Variants in PTPRC observed in about 807,000 individuals in gnomAD.
PTPRC encodes the protein protein tyrosine phosphatase receptor type C.
PTPRC carries 44 observed loss-of-function variants against 155.9 expected under a neutral mutation model. That is an observed-to-expected ratio of 0.28 (90% CI 0.22 to 0.36). The LOEUF is 0.36. Ranked by LOEUF, PTPRC falls within the 10% of genes least tolerant of loss-of-function variation. The probability of loss-of-function intolerance (pLI) is 1.00; values close to 1 mark genes in which losing one functional copy is unlikely to be tolerated. For missense variants in PTPRC, 1,401 were observed against 1,564.6 expected, an observed-to-expected ratio of 0.90 and a Z score of 1.76; for synonymous variants, 525 against 533.1, an observed-to-expected ratio of 0.98 and a Z score of 0.21.
intron 2 of PTPRC, among the ~76,000 whole-genome samples, chr1:198,662,458 G>C (rs1159199037): frequency 8.1e-6 from 1 of 124,216 alleles, no homozygotes; most frequent in Non-Finnish European, 1.7e-5. Context: ...GTGTGTGTGT[G>C]TGTGTGTGTG....
At chr1:198,659,174 G>T (rs1663789151) in intron 2 of PTPRC, among the ~76,000 whole-genome samples, 1 of 152,078 alleles carries the variant, frequency 6.6e-6, no homozygotes, top group Non-Finnish European at 1.5e-5. Flanking sequence ...GGCTAGTGGA[G>T]ACACCTGGTC....
intron 2 of PTPRC, among the ~76,000 whole-genome samples, chr1:198,653,832 C>T (rs56272733): frequency 0.39 from 59,121 of 151,546 alleles, 11,966 homozygotes; most frequent in East Asian, 0.68. Flanking sequence ...GTAGAAAATA[C>T]TACTTTAAGA....
intron 25 of PTPRC, among the ~76,000 whole-genome samples, 160 bp downstream of exon 25, chr1:198,742,527 T>A (rs1654951386): frequency 6.6e-6 from 1 of 151,868 alleles, no homozygotes; most frequent in Non-Finnish European, 1.5e-5. Flanking sequence ...CAGAAATACT[T>A]AGAAGCATTT....
intron 26 of PTPRC, 22 bp from the exon 27 acceptor site, chr1:198,748,087 C>G (rs757092330): frequency 2.5e-5 from 33 of 1,313,900 alleles, no homozygotes; most frequent in Non-Finnish European, 3.2e-5. Flanking sequence ...AGGAGTTTTT[C>G]TGTTTTTTTT....
intron 20 of PTPRC, among the ~76,000 whole-genome samples, chr1:198,733,092 G>A (rs571708025): frequency 1.4e-4 from 21 of 151,730 alleles, no homozygotes; most frequent in Non-Finnish European, 2.1e-4. Context: ...ATGTCCGTAC[G>A]TGGTTAATTT....
chr1:198,693,873 T>C, intron 3 of PTPRC: 1 of 1,052,998 alleles, frequency 9.5e-7, no homozygotes, highest in East Asian at 3.2e-5. Context: ...CTAGAAGTAA[T>C]CTTTAGGAAT....
rs181104185 is a variant in PTPRC, at chr1:198,672,315, G to T, written c.74-20032G>T. ...AGGCCCACACCCTGTGGATGTCAGA[G>T]CAAAAATATGGAAGGAATCTGGGTC... On this transcript the variant is annotated intron_variant, in intron 2 of 32. Transcript: ENST00000442510. Among the ~76,000 whole-genome samples the T allele has an allele frequency of 6.6e-4, 101 of 152,308 alleles. 1 individual carries two copies. In the East Asian group the frequency reaches 0.016, roughly 24 times the overall value.
At chr1:198,743,313 T>TA (rs910488574) in intron 25 of PTPRC, among the ~76,000 whole-genome samples, 25 of 151,578 alleles carry the variant, frequency 1.6e-4, no homozygotes, top group Admixed American at 6.6e-4. Context: ...TTATGTGATT[T>TA]AAAAAAAACA....
upstream of PTPRC, chr1:198,638,982 G>A: frequency 2.6e-6 from 1 of 391,334 alleles, no homozygotes; most frequent in Middle Eastern, 7.5e-4. Context: ...CAACTTTTTT[G>A]ACTTCCTGCA....
intron 2 of PTPRC, among the ~76,000 whole-genome samples, chr1:198,685,846 G>A (rs1488073050): frequency 1.3e-5 from 2 of 152,000 alleles, no homozygotes; most frequent in Non-Finnish European, 2.9e-5. Context: ...CTGAGAATAA[G>A]TATTTATTTA....
chr1:198,697,401 G>A (rs1666256176), intron 4 of PTPRC, among the ~76,000 whole-genome samples: 1 of 152,110 alleles, frequency 6.6e-6, no homozygotes, highest in Non-Finnish European at 1.5e-5. Context: ...ACCCAATTTT[G>A]TTATTTGAGT....
Position 198,702,381 on chromosome 1 carries a change from T to C in PTPRC, c.440-6T>C. Reference sequence around the variant, plus strand: ...GTGACAGTGCTGATGGCCCTTCTGATTGCAGATGTCCCAGGAGAGAGGAGT... The same window carrying C: ...GTGACAGTGCTGATGGCCCTTCTGACTGCAGATGTCCCAGGAGAGAGGAGT... On this transcript the variant is annotated splice_polypyrimidine_tract_variant and splice_region_variant and intron_variant, in intron 5 of 32. Transcript: ENST00000442510. 6.2e-7 allele frequency: 1 copy of C among 1,614,220 alleles called. No individual in the cohort carries two copies. Among genetic ancestry groups the C allele is most frequent in the Non-Finnish European group, 8.5e-7 (1 of 1,180,038 alleles).
At chr1:198,714,071 T>A (rs1047289381) in intron 12 of PTPRC, among the ~76,000 whole-genome samples, 6 of 152,160 alleles carry the variant, frequency 3.9e-5, no homozygotes, top group Non-Finnish European at 8.8e-5. Context: ...ATTTAAAAGT[T>A]AAGTCTATGT....
intron 4 of PTPRC, 116 bp from the exon 5 acceptor site, chr1:198,699,448 C>T: frequency 8.1e-7 from 1 of 1,229,734 alleles, no homozygotes; most frequent in Non-Finnish European, 1.2e-6. Flanking sequence ...TTAACAGATT[C>T]AGTTACTTCA....
intron 11 of PTPRC, 73 bp from the exon 12 acceptor site, chr1:198,712,880 T>A: frequency 6.9e-7 from 1 of 1,452,122 alleles, no homozygotes; most frequent in South Asian, 1.2e-5. Flanking sequence ...CAATAATGCA[T>A]GCTTATAATA....
At chr1:198,694,916 C>T in intron 3 of PTPRC, 1 of 977,452 alleles carries the variant, frequency 1.0e-6, no homozygotes, top group South Asian at 4.7e-5. Flanking sequence ...GTTGGCTATG[C>T]TGGCATGTCA....
chr1:198,647,509 A>G (rs1172623087), intron 2 of PTPRC, among the ~76,000 whole-genome samples: 2 of 151,922 alleles, frequency 1.3e-5, no homozygotes, highest in Non-Finnish European at 2.9e-5. Flanking sequence ...GAAAATTTGG[A>G]AAATGTCAAG....
chr1:198,737,323 G>C (rs749705229), intron 23 of PTPRC, among the ~76,000 whole-genome samples: 8 of 150,628 alleles, frequency 5.3e-5, no homozygotes, highest in Non-Finnish European at 8.9e-5. Flanking sequence ...CATAGATTAA[G>C]GTCTTAGATC....
In PTPRC at chr1:198,703,568, T is replaced by C. The variant is rs1284412831; in HGVS notation, c.658+196T>C. 4 of 783,570 alleles carry C rather than the reference T, an allele frequency of 5.1e-6. No homozygotes were observed. In the African/African-American group the frequency reaches 5.2e-5, roughly 10 times the overall value. The allele number at this position is 783,570 out of a possible 1,614,324, so 48.5% of individuals were successfully genotyped here. On this transcript the variant is annotated intron_variant, in intron 7 of 32. Transcript: ENST00000442510. ...AACAGCTGATGAGATCAGGATGTAA[T>C]TGTTACTGTCATAATTCATCAGAAA...
Sources: allele counts gnomAD v4.1 joint callset (sites outside exome capture counted in the v4.1 genomes callset), GRCh38; gene constraint gnomAD v4.1.1; transcripts MANE v1.5; gene names NCBI Gene and HGNC (gene_info 2026-07-23, HGNC 2026-07-21).